The following LCOR variants were observed in gnomAD, a reference collection of about 807,000 sequenced individuals.
LCOR encodes the protein ligand-dependent corepressor.
A neutral mutation model predicts 64.4 loss-of-function variants in LCOR; 14 were observed. That is an observed-to-expected ratio of 0.22 (90% confidence interval 0.14 to 0.34). LCOR has a LOEUF of 0.34. LCOR is among the 10% of genes least tolerant of loss of function. LCOR has a pLI of 1.00. For synonymous variants in LCOR, 643 were observed against 642.5 expected (o/e 1.00, Z -0.01); for missense variants, 1,686 against 1,765.3 (o/e 0.96, Z 0.80).
At chr10:96,973,554 A>G (rs1848015695) in intron 7 of LCOR, among the ~76,000 whole-genome samples, 1 of 152,214 alleles carries the variant, frequency 6.6e-6, no homozygotes, top group Non-Finnish European at 1.5e-5. Context: ...TAGGGGACAC[A>G]ATTTCAGATT....
At chr10:96,902,831 G>A (rs1589644431) in intron 2 of LCOR, among the ~76,000 whole-genome samples, 1 of 152,300 alleles carries the variant, frequency 6.6e-6, no homozygotes, top group East Asian at 1.9e-4. Flanking sequence ...ATACAGTCAT[G>A]TGTTGCTTAA....
chr10:96,842,632 CTT>C (rs976571447), intron 2 of LCOR, among the ~76,000 whole-genome samples: 4 of 134,346 alleles, frequency 3.0e-5, no homozygotes, highest in Non-Finnish European at 4.9e-5. Flanking sequence ...CTTTTCTTTT[CTT>C]TTTTTTTTTT....
intron 4 of LCOR, among the ~76,000 whole-genome samples, chr10:96,912,607 TCTTCCTTCCTTC>T (rs80278478): frequency 1.4e-3 from 195 of 140,392 alleles, no homozygotes; most frequent in Non-Finnish European, 2.0e-3. Context: ...TTTCTTCCTT[TCTTCCTTCCTTC>T]CTTCCTTCCT....
In LCOR at chr10:96,949,680, T is replaced by C. The variant is rs1325531805; in HGVS notation, c.238+385T>C. Among the ~76,000 whole-genome samples, 3 of 152,230 alleles carry C rather than the reference T, an allele frequency of 2.0e-5. No individual in the cohort carries two copies. In the East Asian group the frequency reaches 5.8e-4, roughly 29 times the overall value. On this transcript the variant is annotated intron_variant, in intron 6 of 7. Transcript: ENST00000421806. ...AGGACTAGCACCTGTCTGAGAAATA[T>C]GCCTCTACTTGCAGGTATAAGTTAT...
At chr10:96,885,553 ATTT>A (rs144687202) in intron 2 of LCOR, among the ~76,000 whole-genome samples, 17,004 of 117,474 alleles carry the variant, frequency 0.14, 1,471 homozygotes, top group African/African-American at 0.28. Flanking sequence ...GGCTAATTGA[ATTT>A]TTTTTTTTTT....
At chr10:96,843,462 T>G (rs1369312204) in intron 2 of LCOR, among the ~76,000 whole-genome samples, 1 of 152,184 alleles carries the variant, frequency 6.6e-6, no homozygotes, top group Non-Finnish European at 1.5e-5. Flanking sequence ...TGTTTGTAGG[T>G]ATTTACCCTT....
chr10:96,926,864 T>G (rs1247485913), intron 4 of LCOR, among the ~76,000 whole-genome samples: 1 of 152,182 alleles, frequency 6.6e-6, no homozygotes, highest in African/African-American at 2.4e-5. Context: ...GTATATAAGC[T>G]TTTGTTCCTT....
chr10:96,837,086 G>A (rs1451429505), intron 2 of LCOR, among the ~76,000 whole-genome samples: 1 of 152,002 alleles, frequency 6.6e-6, no homozygotes, highest in Non-Finnish European at 1.5e-5. Context: ...CCGCCTCCTG[G>A]GTTCAAGCCA....
chr10:96,877,502 T>A (rs941728176), intron 2 of LCOR, among the ~76,000 whole-genome samples: 1 of 151,436 alleles, frequency 6.6e-6, no homozygotes, highest in Non-Finnish European at 1.5e-5. Context: ...CCAGCCTGGG[T>A]GAGTGAGTGA....
intron 2 of LCOR, among the ~76,000 whole-genome samples, chr10:96,861,168 A>ACAAGTTCATTTTTGAGGAACC (rs1845881133): frequency 1.3e-5 from 2 of 152,202 alleles, no homozygotes; most frequent in Admixed American, 1.3e-4. Flanking sequence ...TTGTGGTGTG[A>ACAAGTTCATTTTTGAGGAACC]CAAATTCATT....
chr10:96,981,860 A>G lies in LCOR; in HGVS notation c.1400A>G (p.Asp467Gly). The part of the protein sequence containing the change: ...RASGLRINDY[D>G]NQCDVVYISQ... ...TCAGGGCTGAGGATAAATGATTATGATAACCAGTGTGATGTTGTTTATATC... is the reference window on the plus strand; with the variant it reads ...TCAGGGCTGAGGATAAATGATTATGGTAACCAGTGTGATGTTGTTTATATC... Residue 467 changes from aspartate to glycine, a missense_variant, in exon 8 of 8, where the codon GAT (aspartate) becomes GGT (glycine). By Grantham distance (94) the Asp-to-Gly change is moderately conservative. This residue lies in a region of LCOR where 1,293 missense variants were observed against 1,410.4 expected (regional missense o/e 0.92). Coordinates refer to ENST00000421806, the MANE Select transcript of LCOR (RefSeq NM_001346516.2). The G allele has an allele frequency of 6.2e-7, 1 of 1,614,242 alleles. No individual in the cohort carries two copies. The highest frequency in any genetic ancestry group is 1.3e-5 in the African/African-American group (1 of 75,064).
intron 4 of LCOR, among the ~76,000 whole-genome samples, chr10:96,929,234 G>C (rs1847216817): frequency 6.6e-6 from 1 of 152,220 alleles, no homozygotes; most frequent in African/African-American, 2.4e-5. Context: ...AGTCCTTGCT[G>C]ACATCTTCCA....
chr10:96,917,833 A>G (rs1020028896), intron 4 of LCOR, among the ~76,000 whole-genome samples: 3 of 152,198 alleles, frequency 2.0e-5, no homozygotes, highest in Non-Finnish European at 2.9e-5. Flanking sequence ...AGTGATACTG[A>G]CGTTAGGCTT....
intron 2 of LCOR, among the ~76,000 whole-genome samples, chr10:96,835,419 A>G (rs1845425947): frequency 1.3e-5 from 2 of 152,234 alleles, no homozygotes; most frequent in Non-Finnish European, 2.9e-5. Context: ...GAGCAGTAAC[A>G]TATATTCATA....
At chr10:96,857,230 T>A (rs991540461) in intron 2 of LCOR, among the ~76,000 whole-genome samples, 3 of 152,134 alleles carry the variant, frequency 2.0e-5, no homozygotes, top group East Asian at 3.9e-4. Flanking sequence ...CAAACATGAT[T>A]TAAGTAAGTA....
chr10:96,986,674 G>T lies in LCOR; in HGVS notation c.*1540G>T, dbSNP rs1317436043. 6.6e-6 allele frequency: 1 copy of T among 152,220 alleles called. No homozygotes were observed. The highest frequency in any genetic ancestry group is 1.5e-5 in the Non-Finnish European group (1 of 68,036). The allele number at this position is 152,220 out of a possible 1,614,324, so 9.4% of individuals were successfully genotyped here. ...GACCTTGCTCCATTATTATAGTGCA[G>T]CGTGTACTTGACTTTTCCATTGGGC... On this transcript the variant is annotated 3_prime_UTR_variant, in exon 8 of 8. Transcript: ENST00000421806.
chr10:96,864,556 A>C (rs893111828), intron 2 of LCOR, among the ~76,000 whole-genome samples: 1 of 152,214 alleles, frequency 6.6e-6, no homozygotes, highest in African/African-American at 2.4e-5. Context: ...AAAAACAGGG[A>C]CATCAGTTAC....
At chr10:96,934,662 C>T (rs551314464) in intron 4 of LCOR, among the ~76,000 whole-genome samples, 3 of 152,106 alleles carry the variant, frequency 2.0e-5, no homozygotes, top group South Asian at 2.1e-4. Flanking sequence ...AATGCAGTGG[C>T]GCAGTCTTGG....
At chr10:96,849,860 T>C (rs1241128811) in intron 2 of LCOR, among the ~76,000 whole-genome samples, 5 of 146,080 alleles carry the variant, frequency 3.4e-5, no homozygotes, top group Non-Finnish European at 4.5e-5. Flanking sequence ...GTCACTCACT[T>C]TTTTTTTTTT....
Sources: gnomAD v4.1 joint callset for allele counts (sites outside exome capture counted in the v4.1 genomes callset) on GRCh38, gnomAD v4.1.1 for gene constraint, gnomAD v4.1.1 regional missense constraint, MANE v1.5 for transcripts, NCBI Gene and HGNC (gene_info 2026-07-23, HGNC 2026-07-21) for gene names.